ADPRHL1: variants seen among roughly 807,000 people sequenced by gnomAD.
The protein encoded by ADPRHL1 is ADP-ribosylhydrolase like 1, also known as inactive ADP-ribosyltransferase ARH2.
A neutral mutation model predicts 44.1 loss-of-function variants in ADPRHL1; 43 were observed. The observed-to-expected ratio is 0.98, with a 90% CI of 0.76 to 1.26. The LOEUF (loss-of-function observed/expected upper bound fraction) is 1.26, where lower values mean the gene tolerates loss of function less well. Among genes scored for constraint, ADPRHL1 ranks in the 50% most tolerant of loss-of-function variants. The pLI is 0.00. For synonymous variants in ADPRHL1, 878 were observed against 1,017.4 expected, an observed-to-expected ratio of 0.86 and a Z score of 2.61; for missense variants, 2,022 against 2,496.9, an observed-to-expected ratio of 0.81 and a Z score of 4.05.
intron 1 of ADPRHL1, among the ~76,000 whole-genome samples, chr13:113,450,818 G>A (rs955701033): frequency 6.6e-6 from 1 of 152,200 alleles, no homozygotes; most frequent in Non-Finnish European, 1.5e-5. Flanking sequence ...CAGACTAGGA[G>A]TGTGACCACT....
At chr13:113,433,243 G>A (rs552050256) in intron 3 of ADPRHL1, among the ~76,000 whole-genome samples, 4 of 152,290 alleles carry the variant, frequency 2.6e-5, no homozygotes, top group South Asian at 2.1e-4. Context: ...CTTGGCCGGC[G>A]GGTGGTGGGG....
In ADPRHL1 at chr13:113,407,939, G is replaced by C; in HGVS notation, c.1343C>G (p.Thr448Ser). The C allele has an allele frequency of 8.1e-7, 1 of 1,231,994 alleles. No individual in the cohort carries two copies. Among genetic ancestry groups the C allele is most frequent in the Non-Finnish European group, 1.0e-6 (1 of 987,960 alleles). 76.3% of individuals were successfully genotyped at this position (1,231,994 alleles called of 1,614,324 possible). ...GGAGATCAGCCGGCCCACCTCCCTG[G>C]TCCTCTTGAGGTAGCGCTCCCGGCC... Reference protein sequence around the residue: ...GTGRERYLKRTREVGRLISKD... With the variant: ...GTGRERYLKRSREVGRLISKD... Residue 448 changes from threonine (T) to serine (S), a missense_variant, in exon 8 of 8, where the codon ACC becomes AGC. Physicochemically the swap from Thr to Ser is moderately conservative, Grantham distance 58. This residue lies in a region of ADPRHL1 where 1,221 missense variants were observed against 1,517.8 expected (regional missense o/e 0.80). Coordinates refer to ENST00000612156, the MANE Select transcript of ADPRHL1 (RefSeq NM_001394807.1).
intron 2 of ADPRHL1, 122 bp from the exon 3 acceptor site, chr13:113,433,989 T>C (rs927144461): frequency 2.2e-6 from 3 of 1,371,992 alleles, no homozygotes; most frequent in Admixed American, 2.9e-5. Context: ...TATCAGAGTG[T>C]GGTTTAAATG....
rs995067303 is a variant in ADPRHL1 at position 113,407,028 on chromosome 13, C to T, written c.2254G>A (p.Ala752Thr). 2.9e-5 allele frequency: 36 copies of T among 1,232,168 alleles called. No individual in the cohort carries two copies. The highest frequency in any genetic ancestry group is 4.1e-5 in the South Asian group (1 of 24,322). 76.3% of individuals were successfully genotyped at this position (1,232,168 alleles called of 1,614,324 possible). Residue 752 changes from alanine to threonine, a missense_variant, in exon 8 of 8, where the codon GCA (alanine) becomes ACA (threonine). Physicochemically the swap from Ala to Thr is moderately conservative, Grantham distance 58. Transcript: ENST00000612156. ...CCCCTCACCTCCTGGACGCCTCCTGCGGTGCTCTCTGCGGTGGGGTCTGCA... is the reference window on the plus strand; with the variant it reads ...CCCCTCACCTCCTGGACGCCTCCTGTGGTGCTCTCTGCGGTGGGGTCTGCA... The part of the protein sequence containing the change: ...GTADPTAEST[A>T]GGVQEVRGAR...
At chr13:113,421,195 C>T (rs1218601859) in intron 7 of ADPRHL1, among the ~76,000 whole-genome samples, 1 of 139,992 alleles carries the variant, frequency 7.1e-6, no homozygotes, top group South Asian at 2.4e-4. Flanking sequence ...CCTGGGACAC[C>T]CCTACCCCCG....
At position 113,406,836 on chromosome 13, in the gene ADPRHL1, C is replaced by G. The variant is rs991527801; in HGVS notation, c.2446G>C (p.Val816Leu). Residue 816 changes from valine to leucine, a missense_variant, in exon 8 of 8, where the codon GTG (valine) becomes CTG (leucine). Physicochemically the swap from Val to Leu is conservative, Grantham distance 32 (BLOSUM62 1). This residue lies in a region of ADPRHL1 where 1,221 missense variants were observed against 1,517.8 expected (regional missense o/e 0.80). Transcript: ENST00000612156. ...TTCAGGGGTGGGATGTGCTCCGGCA[C>G]CTTCTGTTCTGGGAAATACTTCTGG... ...ATQKYFPEQK[V>L]PEHIPPLNAP... The G allele has an allele frequency of 1.6e-6, 2 of 1,232,010 alleles. No homozygotes were observed. 76.3% of individuals were successfully genotyped at this position (1,232,010 alleles called of 1,614,324 possible). A position where few individuals can be genotyped will look rare whatever the true frequency, so the allele number is the denominator to read the frequency against.
chr13:113,404,642 T>C lies in ADPRHL1; in HGVS notation c.4640A>G (p.Gln1547Arg), dbSNP rs2139591655. The C allele has an allele frequency of 7.7e-7, 1 of 1,302,822 alleles. No individual in the cohort carries two copies. Among genetic ancestry groups the C allele is most frequent in the South Asian group, 2.5e-5 (1 of 39,326 alleles). The allele number at this position is 1,302,822 out of a possible 1,614,324, so 80.7% of individuals were successfully genotyped here. A position where few individuals can be genotyped will look rare whatever the true frequency, so the allele number is the denominator to read the frequency against. ...QKQFQNWAQG[Q>R]AQGHAQEQAQ... is the part of the protein sequence containing the mutation. The stretch of plus-strand genomic sequence containing the variant: ...CTGTTCTTGAGCGTGTCCCTGAGCC[T>C]GTCCCTGGGCCCAATTCTGAAACTG... Residue 1547 changes from glutamine to arginine, a missense_variant, in exon 8 of 8, where the codon CAG becomes CGG. Around this residue, in one of 8 missense-constraint regions of ADPRHL1, gnomAD observed 32 missense variants for 72.6 expected, o/e 0.44. Transcript: ENST00000612156.
intron 7 of ADPRHL1, among the ~76,000 whole-genome samples, chr13:113,416,922 T>C (rs2043889963): frequency 6.6e-6 from 1 of 152,258 alleles, no homozygotes; most frequent in South Asian, 2.1e-4. Context: ...TGCGTGCGAA[T>C]GCACGAGTGT....
intron 4 of ADPRHL1, among the ~76,000 whole-genome samples, chr13:113,428,493 T>C (rs1290753365): frequency 6.6e-6 from 1 of 152,210 alleles, no homozygotes; most frequent in Non-Finnish European, 1.5e-5. Context: ...CGTCACGGAT[T>C]TCCTAGTCCC....
Position 113,445,499 on chromosome 13 carries a change from C to G in ADPRHL1, c.215-910G>C, listed in dbSNP as rs144647808. On this transcript the variant is annotated intron_variant, in intron 1 of 7. Coordinates refer to ENST00000612156, the MANE Select transcript of ADPRHL1 (RefSeq NM_001394807.1). ...CCCCTCCCAACGGCCACTTTAACAC[C>G]CAGCAACTTGTTTTCATTTTGTACT... 1.8e-4 allele frequency among the ~76,000 whole-genome samples: 28 copies of G among 152,348 alleles called. No individual in the cohort carries two copies. In the East Asian group the frequency reaches 4.8e-3, roughly 26 times the overall value.
chr13:113,428,678 G>C (rs899292577), intron 4 of ADPRHL1, among the ~76,000 whole-genome samples: 3 of 152,270 alleles, frequency 2.0e-5, no homozygotes, highest in African/African-American at 7.2e-5. Flanking sequence ...ACGGGGACGG[G>C]TGGACCCGCC....
Position 113,405,977 on chromosome 13 carries a change from T to G in ADPRHL1, c.3305A>C (p.Glu1102Ala). 8.1e-7 allele frequency: 1 copy of G among 1,232,102 alleles called. No individual in the cohort carries two copies. The highest frequency in any genetic ancestry group is 1.0e-6 in the Non-Finnish European group (1 of 988,044). 76.3% of individuals were successfully genotyped at this position (1,232,102 alleles called of 1,614,324 possible). The change falls in exon 8 of 8, where the codon GAA (glutamate) becomes GCA (alanine). Residue 1102 changes from glutamate to alanine, a missense_variant. By Grantham distance (107) the Glu-to-Ala change is moderately radical (BLOSUM62 -1). This residue lies in a region of ADPRHL1 where 1,221 missense variants were observed against 1,517.8 expected (regional missense o/e 0.80). Coordinates refer to ENST00000612156, the MANE Select transcript of ADPRHL1 (RefSeq NM_001394807.1). ...GGCTTTCATACCTGGTTTGGGTGGTTCATTTAATGAGGACAGTGGGTTCTC... is the reference window on the plus strand; with the variant it reads ...GGCTTTCATACCTGGTTTGGGTGGTGCATTTAATGAGGACAGTGGGTTCTC... ...VRENPLSSLN[E>A]PPKPGMKACG...
rs1228263014 is a variant in ADPRHL1, at chr13:113,453,025, C to T, written c.214+199G>A. 6.6e-6 allele frequency among the ~76,000 whole-genome samples: 1 copy of T among 152,200 alleles called. No homozygotes were observed. The highest frequency in any genetic ancestry group is 1.5e-5 in the Non-Finnish European group (1 of 68,034). ...AGTAATACTGTCACCCTCAGAGAAA[C>T]CACAGGAGAAACGTGATCTGCCGCA... On this transcript the variant is annotated intron_variant, in intron 1 of 7. Coordinates refer to ENST00000612156, the MANE Select transcript of ADPRHL1 (RefSeq NM_001394807.1). This position sits in a 1 kb window ranked among gnomAD's most constrained non-coding sequence, Gnocchi z 5.4.
rs886888308 is a variant in ADPRHL1, at chr13:113,450,958, C to CA, written c.214+2265_214+2266insT. 4.0e-5 allele frequency among the ~76,000 whole-genome samples: 6 copies of CA among 151,560 alleles called. No homozygotes were observed. In the East Asian group the frequency reaches 9.7e-4, roughly 24 times the overall value. On this transcript the variant is annotated intron_variant, in intron 1 of 7. Coordinates refer to ENST00000612156, the MANE Select transcript of ADPRHL1 (RefSeq NM_001394807.1). ...CTCCCCTGGGGAAAGGGAGACCCCC[C>CA]CCCCCTTCCTGGTCTGCTAAGTAGC...
intron 2 of ADPRHL1, among the ~76,000 whole-genome samples, chr13:113,435,344 G>A (rs1466029802): frequency 2.3e-5 from 3 of 132,704 alleles, no homozygotes; most frequent in Admixed American, 7.8e-5. Flanking sequence ...GGTGTAGCCC[G>A]TGACCCAGCA....
chr13:113,449,286 A>G (rs970363838), intron 1 of ADPRHL1: 2 of 915,512 alleles, frequency 2.2e-6, no homozygotes, highest in South Asian at 9.2e-5. Context: ...CCCTGTTCAG[A>G]GAGACACACC....
Position 113,408,029 on chromosome 13 carries a change from T to C in ADPRHL1, c.1253A>G (p.Gln418Arg). 8.1e-7 allele frequency: 1 copy of C among 1,232,876 alleles called. No individual in the cohort carries two copies. The allele number at this position is 1,232,876 out of a possible 1,614,324, so 76.4% of individuals were successfully genotyped here. The stretch of plus-strand genomic sequence containing the variant: ...GGGCCGCTGGGTGGCCTCCTGGGTC[T>C]GGGGCTGGTGGCTGGGCCTGCTCCC... Reference protein sequence around the residue: ...AGGSRPSHQPQTQEATQRPTR... With the variant: ...AGGSRPSHQPRTQEATQRPTR... Residue 418 changes from glutamine to arginine, a missense_variant, in exon 8 of 8, where the codon CAG (glutamine) becomes CGG (arginine). Transcript: ENST00000612156.
At chr13:113,421,138 G>T (rs1309499618) in intron 7 of ADPRHL1, among the ~76,000 whole-genome samples, 1 of 129,914 alleles carries the variant, frequency 7.7e-6, no homozygotes, top group African/African-American at 3.0e-5. Flanking sequence ...CCCACCCCCG[G>T]GACACGCACA....
rs2043840388 is a variant in ADPRHL1, at chr13:113,409,983, A to AT, written c.1062-1764dup. 1 of 984,828 alleles carries AT rather than the reference A, an allele frequency of 1.0e-6. No homozygotes were observed. The highest frequency in any genetic ancestry group is 1.2e-6 in the Non-Finnish European group (1 of 829,900). The allele number at this position is 984,828 out of a possible 1,614,324, so 61.0% of individuals were successfully genotyped here. A position where few individuals can be genotyped will look rare whatever the true frequency, so the allele number is the denominator to read the frequency against. ...TACTTCTCTTTTTGTGTTTGTCTGC[A>AT]TTTTTCCAAAAGAGAGAGCTCTGTT... On this transcript the variant is annotated intron_variant, in intron 7 of 7. Transcript: ENST00000612156. This position sits in a 1 kb window ranked among gnomAD's most constrained non-coding sequence, Gnocchi z 4.2.
Sources: gnomAD v4.1 joint callset for allele counts (sites outside exome capture counted in the v4.1 genomes callset) on GRCh38, gnomAD v4.1.1 for gene constraint, gnomAD v4.1.1 regional missense constraint, Gnocchi (gnomAD v3.1) non-coding constraint, MANE v1.5 for transcripts, NCBI Gene and HGNC (gene_info 2026-07-23, HGNC 2026-07-21) for gene names.